Variants in SCAF4 observed in about 807,000 individuals in gnomAD.
The protein encoded by SCAF4 is SR-related and CTD-associated factor 4.
In SCAF4, 25 loss-of-function variants were observed where a neutral mutation model predicts 129.8. The ratio of observed to expected loss-of-function variants is 0.19; its 90% CI spans 0.14 to 0.27. SCAF4 has a LOEUF of 0.27. Ranked by LOEUF, SCAF4 falls within the 10% of genes least tolerant of loss-of-function variation. The pLI, the probability that SCAF4 is intolerant of heterozygous loss-of-function variation, is 1.00. For missense variants in SCAF4, 1,246 were observed against 1,457.1 expected (o/e 0.86, Z 2.36); for synonymous variants, 551 against 497.7 (o/e 1.11, Z -1.43).
intron 19 of SCAF4, among the ~76,000 whole-genome samples, chr21:31,675,921 G>A (rs1179768149): frequency 6.6e-6 from 1 of 152,100 alleles, no homozygotes; most frequent in Non-Finnish European, 1.5e-5. Context: ...TTTCATAGTT[G>A]GAGTCCAACG....
At chr21:31,717,826 C>CATATATATAT (rs796625672) in intron 1 of SCAF4, among the ~76,000 whole-genome samples, 5,557 of 109,794 alleles carry the variant, frequency 0.051, 178 homozygotes, top group East Asian at 0.077. Context: ...AAACTGCTGC[C>CATATATATAT]ATATATATAT....
chr21:31,708,377 CTT>C (rs1457557324), intron 1 of SCAF4, among the ~76,000 whole-genome samples: 1 of 147,452 alleles, frequency 6.8e-6, no homozygotes, highest in Non-Finnish European at 1.5e-5. Context: ...GAGACTCTGT[CTT>C]TAAAAAAAAA....
intron 19 of SCAF4, among the ~76,000 whole-genome samples, chr21:31,674,402 T>G (rs2049796887): frequency 6.6e-6 from 1 of 152,236 alleles, no homozygotes; most frequent in Non-Finnish European, 1.5e-5. Flanking sequence ...ATCCTTTCCC[T>G]TCTTCGTAAA....
At chr21:31,727,494 G>A (rs1568870945) in intron 1 of SCAF4, among the ~76,000 whole-genome samples, 1 of 152,092 alleles carries the variant, frequency 6.6e-6, no homozygotes, top group Non-Finnish European at 1.5e-5. Context: ...TACAATCAAT[G>A]GGTTAAAAAA....
In SCAF4 at chr21:31,694,249, C is replaced by T. The variant is rs1368703087; in HGVS notation, c.1277G>A (p.Arg426Gln). 19 of 1,609,160 alleles carry T rather than the reference C, an allele frequency of 1.2e-5. No homozygotes were observed. The highest frequency in any genetic ancestry group is 1.3e-5 in the African/African-American group (1 of 74,776). ...VEQPCIQEVK[R>Q]HMSDNRKSRS... The stretch of plus-strand genomic sequence containing the variant: ...TGACTTTCTGTTATCAGACATATGT[C>T]GCTTAACCTCTTGAATACAAGGTTG... Residue 426 changes from arginine (R) to glutamine (Q), a missense_variant, in exon 11 of 20, where the codon CGA becomes CAA. Around this residue, in one of 6 missense-constraint regions of SCAF4, gnomAD observed 236 missense variants for 210.0 expected, o/e 1.12. Transcript: ENST00000286835.
At chr21:31,703,385 C>T (rs2050580839) in intron 4 of SCAF4, among the ~76,000 whole-genome samples, 1 of 152,088 alleles carries the variant, frequency 6.6e-6, no homozygotes, top group Admixed American at 6.5e-5. Flanking sequence ...GTGTACAATA[C>T]AGAATTGTTA....
At chr21:31,679,145 A>C (rs1297130823) in intron 19 of SCAF4, among the ~76,000 whole-genome samples, 1 of 152,148 alleles carries the variant, frequency 6.6e-6, no homozygotes, top group Non-Finnish European at 1.5e-5. Context: ...AACTTTGAGA[A>C]AGGATGTTTT....
intron 1 of SCAF4, among the ~76,000 whole-genome samples, chr21:31,717,924 C>T (rs1294572387): frequency 8.9e-5 from 13 of 146,040 alleles, no homozygotes; most frequent in African/African-American, 3.2e-4. Context: ...CACACACACA[C>T]ACACACACAC....
Position 31,671,775 on chromosome 21 carries a change from CTA to C in SCAF4, c.3066_3067del (p.Asp1022GlufsTer3). The C allele has an allele frequency of 6.2e-7, 1 of 1,614,152 alleles. No individual in the cohort carries two copies. The highest frequency in any genetic ancestry group is 8.5e-7 in the Non-Finnish European group (1 of 1,179,958). On this transcript the variant is annotated frameshift_variant, in exon 20 of 20. Transcript: ENST00000286835. LOFTEE classifies it high-confidence loss of function. The stretch of plus-strand genomic sequence containing the variant: ...TCTCCTGTCACGGTTACTATTATCT[CTA>C]TCATCATTACGGTTCCCATACCGTT...
intron 1 of SCAF4, among the ~76,000 whole-genome samples, chr21:31,717,910 C>CAT (rs2050974212): frequency 2.3e-5 from 2 of 86,748 alleles, no homozygotes; most frequent in African/African-American, 7.6e-5. Context: ...TATATACACA[C>CAT]ACACACACAC....
At chr21:31,723,012 G>C (rs1274627565) in intron 1 of SCAF4, among the ~76,000 whole-genome samples, 3 of 152,090 alleles carry the variant, frequency 2.0e-5, no homozygotes, top group African/African-American at 7.2e-5. Context: ...GTGATTTCTA[G>C]AATTTATTGT....
intron 1 of SCAF4, among the ~76,000 whole-genome samples, chr21:31,728,184 TA>T (rs2051256000): frequency 6.6e-6 from 1 of 152,308 alleles, no homozygotes; most frequent in South Asian, 2.1e-4. Flanking sequence ...TACTCCCATC[TA>T]AAAGACTAGG....
At position 31,696,739 on chromosome 21, in the gene SCAF4, A is replaced by G. The variant is rs2050398431; in HGVS notation, c.789T>C (p.Asp263=). 1.9e-6 allele frequency: 3 copies of G among 1,603,254 alleles called. No homozygotes were observed. Among genetic ancestry groups the G allele is most frequent in the South Asian group, 1.1e-5 (1 of 90,506 alleles). The change falls in exon 8 of 20, where the codon GAT becomes GAC. Residue 263 remains aspartate (D), a synonymous_variant. Transcript: ENST00000286835. ...QKTAFDKKLL[D]RFDYDDEPEA... The stretch of plus-strand genomic sequence containing the variant: ...CTGGCTCATCATCATAGTCAAATCT[A>G]TCAAGCAACTTCTGGAATAATTATG...
intron 8 of SCAF4, 66 bp from the exon 9 acceptor site, chr21:31,696,287 C>T: frequency 8.1e-7 from 1 of 1,233,182 alleles, no homozygotes; most frequent in Admixed American, 1.7e-5. Flanking sequence ...ACTTAAATTA[C>T]AGAAACAGAG....
rs759507770 is a variant in SCAF4 at position 31,671,430 on chromosome 21, T to A, written c.3413A>T (p.Asp1138Val). 1 of 1,614,024 alleles carries A rather than the reference T, an allele frequency of 6.2e-7. No homozygotes were observed. The highest frequency in any genetic ancestry group is 1.1e-5 in the South Asian group (1 of 91,066). ...AGGAGCCTCTGCTGCTGAGCCAGAA[T>A]CCTTTTCGGGTTCAACGGATGAGGT... ...EATSSVEPEK[D>V]SGSAAEAPR The change falls in exon 20 of 20, where the codon GAT (aspartate) becomes GTT (valine). Residue 1138 changes from aspartate (D) to valine (V), a missense_variant. Around this residue, in one of 6 missense-constraint regions of SCAF4, gnomAD observed 339 missense variants for 325.0 expected, o/e 1.04. Transcript: ENST00000286835.
chr21:31,696,302 G>C, intron 8 of SCAF4, 81 bp from the exon 9 acceptor site: 13 of 1,043,556 alleles, frequency 1.2e-5, no homozygotes, highest in Non-Finnish European at 1.9e-5. Context: ...ACAGAGTGTT[G>C]TTCATGAGTC....
chr21:31,674,065 G>T (rs2049786187), intron 19 of SCAF4, among the ~76,000 whole-genome samples: 1 of 152,192 alleles, frequency 6.6e-6, no homozygotes, highest in African/African-American at 2.4e-5. Context: ...AGTGATTCCT[G>T]AAGGGCAATG....
chr21:31,701,176 A>G lies in SCAF4; in HGVS notation c.601-5T>C, dbSNP rs200879149. The G allele has an allele frequency of 3.2e-6, 5 of 1,546,394 alleles. No individual in the cohort carries two copies. The highest frequency in any genetic ancestry group is 4.4e-6 in the Non-Finnish European group (5 of 1,149,118). Reference sequence around the variant, plus strand: ...AGTCTGAAGGATCTGCTGAAGCTTAAAGAATGGGAAAACCAATAAATCACA... The same window carrying G: ...AGTCTGAAGGATCTGCTGAAGCTTAGAGAATGGGAAAACCAATAAATCACA... On this transcript the variant is annotated splice_polypyrimidine_tract_variant and splice_region_variant and intron_variant, in intron 6 of 19. Coordinates refer to ENST00000286835, the MANE Select transcript of SCAF4 (RefSeq NM_020706.2).
chr21:31,706,354 A>T lies in SCAF4; in HGVS notation c.34T>A (p.Phe12Ile). The change falls in exon 2 of 20, where the codon TTT becomes ATT. Residue 12 changes from phenylalanine (F) to isoleucine (I), a missense_variant. Physicochemically the swap from Phe to Ile is conservative, Grantham distance 21. Coordinates refer to ENST00000286835, the MANE Select transcript of SCAF4 (RefSeq NM_020706.2). ...DAVNAFNQEL[F>I]SLMDMKPPIS... ...GGAGGTTTCATATCCATAAGCGAAA[A>T]GAGCTTAAAAGACAAAAAACAAACA... is the stretch of plus-strand genomic sequence containing the variant. 6.3e-7 allele frequency: 1 copy of T among 1,599,192 alleles called. No homozygotes were observed. Among genetic ancestry groups the T allele is most frequent in the Non-Finnish European group, 8.5e-7 (1 of 1,172,136 alleles).
Sources: gnomAD v4.1 joint callset for allele counts (sites outside exome capture counted in the v4.1 genomes callset) on GRCh38, gnomAD v4.1.1 for gene constraint, gnomAD v4.1.1 regional missense constraint, MANE v1.5 for transcripts, NCBI Gene and HGNC (gene_info 2026-07-23, HGNC 2026-07-21) for gene names.